Variants in MELK observed in about 807,000 individuals in gnomAD.
The protein encoded by MELK is pEg3 kinase.
A neutral mutation model predicts 85.0 loss-of-function variants in MELK; 81 were observed. That is an observed-to-expected ratio of 0.95 (90% CI 0.80 to 1.15). The LOEUF is 1.15. Ranked by LOEUF, MELK falls within the 50% of genes most tolerant of loss-of-function variation. The pLI is 0.00. For synonymous variants in MELK, 252 were observed against 265.0 expected (o/e 0.95, Z 0.48); for missense variants, 754 against 777.5 (o/e 0.97, Z 0.36).
chr9:36,671,089 G>A lies in MELK; in HGVS notation c.1597G>A (p.Gly533Arg), dbSNP rs765492864. The A allele has an allele frequency of 1.1e-5, 17 of 1,613,282 alleles. No individual in the cohort carries two copies. The East Asian group carries it at 3.8e-4, about 36-fold the overall frequency. Residue 533 changes from glycine (G) to arginine (R), a missense_variant, in exon 16 of 18, where the codon GGG becomes AGG. Coordinates refer to ENST00000298048, the MANE Select transcript of MELK (RefSeq NM_014791.4). ...CAAAGTGTTTGGGAGCCTTGAAAGG[G>A]GGTTGGATAAGGTTATCACTGTGCT... The part of the protein sequence containing the change: ...GAKVFGSLER[G>R]LDKVITVLTR...
intron 13 of MELK, among the ~76,000 whole-genome samples, chr9:36,663,438 G>T (rs1454976995): frequency 6.6e-6 from 1 of 152,086 alleles, no homozygotes; most frequent in Non-Finnish European, 1.5e-5. Flanking sequence ...AATTTTCTTA[G>T]ATGCATAGTG....
chr9:36,583,784 A>C (rs935978058), intron 3 of MELK, 72 bp downstream of exon 3: 6 of 1,054,684 alleles, frequency 5.7e-6, no homozygotes, highest in Non-Finnish European at 7.1e-6. Flanking sequence ...GAATTGTTCT[A>C]ATGTTCTAGT....
At chr9:36,661,633 C>G (rs935331865) in intron 13 of MELK, among the ~76,000 whole-genome samples, 3 of 152,028 alleles carry the variant, frequency 2.0e-5, no homozygotes, top group Non-Finnish European at 4.4e-5. Flanking sequence ...TTAGGTATGT[C>G]TCTTTAAAAA....
intron 7 of MELK, among the ~76,000 whole-genome samples, chr9:36,601,279 TTTAG>T (rs549310385): frequency 1.3e-5 from 2 of 152,176 alleles, no homozygotes; most frequent in Non-Finnish European, 2.9e-5. Context: ...AGTTATTGCA[TTTAG>T]TTATTGTGTC....
intron 5 of MELK, among the ~76,000 whole-genome samples, chr9:36,596,458 C>A (rs189080703): frequency 6.6e-6 from 1 of 151,796 alleles, no homozygotes. Context: ...GGGGTTTCAC[C>A]GTGTTAGCCA....
At chr9:36,636,554 C>T (rs1007736046) in intron 10 of MELK, among the ~76,000 whole-genome samples, 4 of 151,928 alleles carry the variant, frequency 2.6e-5, no homozygotes, top group Non-Finnish European at 4.4e-5. Context: ...TTCTGTGGAC[C>T]AGATATTTGG....
At chr9:36,586,603 A>C (rs1822927039) in intron 3 of MELK, among the ~76,000 whole-genome samples, 1 of 152,214 alleles carries the variant, frequency 6.6e-6, no homozygotes, top group Non-Finnish European at 1.5e-5. Flanking sequence ...AGTATCAATT[A>C]GATTAATTCC....
chr9:36,577,240 C>T (rs924794917), intron 1 of MELK, among the ~76,000 whole-genome samples: 1 of 152,066 alleles, frequency 6.6e-6, no homozygotes, highest in Non-Finnish European at 1.5e-5. Context: ...TTGGCCAGGG[C>T]GATGGCTCAC....
intron 3 of MELK, among the ~76,000 whole-genome samples, chr9:36,585,312 T>C (rs1021767973): frequency 9.2e-5 from 13 of 141,530 alleles, no homozygotes; most frequent in Non-Finnish European, 2.0e-4. Context: ...GTTTTTTTTT[T>C]TTTTTTTTTT....
chr9:36,606,775 A>C (rs1332445673), intron 7 of MELK: 1 of 148,110 alleles, frequency 6.8e-6, no homozygotes. Flanking sequence ...AATCTATATA[A>C]TATATATAAA....
intron 14 of MELK, among the ~76,000 whole-genome samples, chr9:36,668,500 A>T (rs1219507279): frequency 6.6e-6 from 1 of 152,130 alleles, no homozygotes; most frequent in African/African-American, 2.4e-5. Context: ...AATATAAAAA[A>T]TAATCAAAGC....
intron 8 of MELK, among the ~76,000 whole-genome samples, chr9:36,609,147 G>GT (rs1334126772): frequency 6.6e-6 from 1 of 152,230 alleles, no homozygotes; most frequent in South Asian, 2.1e-4. Flanking sequence ...GTGACTGCCT[G>GT]TGAGTATGGG....
chr9:36,650,415 T>A (rs574914043), intron 11 of MELK, among the ~76,000 whole-genome samples: 75 of 152,176 alleles, frequency 4.9e-4, no homozygotes, highest in African/African-American at 1.6e-3. Context: ...ATAATAAGAT[T>A]CAGGAAGTTT....
chr9:36,677,454 C>T lies in MELK; in HGVS notation c.*117C>T, dbSNP rs1833445831. On this transcript the variant is annotated 3_prime_UTR_variant, in exon 18 of 18. Coordinates refer to ENST00000298048, the MANE Select transcript of MELK (RefSeq NM_014791.4). ...GAACTACCAACTTGTTTCTAAAGAGCTATCTTAAGACCAATATCTCTTTGT... is the reference window on the plus strand; with the variant it reads ...GAACTACCAACTTGTTTCTAAAGAGTTATCTTAAGACCAATATCTCTTTGT... The T allele has an allele frequency of 4.5e-6, 4 of 896,006 alleles. No individual in the cohort carries two copies. Among genetic ancestry groups the T allele is most frequent in the Non-Finnish European group, 6.4e-6 (4 of 626,782 alleles). 55.5% of individuals were successfully genotyped at this position (896,006 alleles called of 1,614,324 possible). A position where few individuals can be genotyped will look rare whatever the true frequency, so the allele number is the denominator to read the frequency against.
At chr9:36,595,135 C>G (rs1215029141) in intron 5 of MELK, among the ~76,000 whole-genome samples, 1 of 150,434 alleles carries the variant, frequency 6.6e-6, no homozygotes, top group Non-Finnish European at 1.5e-5. Flanking sequence ...CCATGTTGGT[C>G]AGTCTGGTCA....
At chr9:36,665,300 AT>A (rs780119307) in intron 13 of MELK, 49 bp from the exon 14 acceptor site, 12 of 1,154,798 alleles carry the variant, frequency 1.0e-5, no homozygotes, top group Non-Finnish European at 1.5e-5. Flanking sequence ...TTGTAAAGAA[AT>A]TGACTTTTCT....
chr9:36,583,824 T>C, intron 3 of MELK, 112 bp downstream of exon 3: 1 of 725,864 alleles, frequency 1.4e-6, no homozygotes, highest in Non-Finnish European at 2.2e-6. Context: ...TTTTTATACC[T>C]TTTAAAAAAC....
chr9:36,631,003 G>A (rs1444352248), intron 9 of MELK, among the ~76,000 whole-genome samples: 1 of 117,504 alleles, frequency 8.5e-6, no homozygotes, highest in Non-Finnish European at 1.8e-5. Flanking sequence ...TCCCTCTGTT[G>A]CCCAGGCTGG....
intron 9 of MELK, among the ~76,000 whole-genome samples, chr9:36,630,854 A>G (rs1185970700): frequency 6.6e-6 from 1 of 151,674 alleles, no homozygotes; most frequent in Non-Finnish European, 1.5e-5. Context: ...GAGTTTTCCC[A>G]TGTTGGCCAG....
Sources: allele counts gnomAD v4.1 joint callset (sites outside exome capture counted in the v4.1 genomes callset), GRCh38; gene constraint gnomAD v4.1.1; transcripts MANE v1.5; gene names NCBI Gene and HGNC (gene_info 2026-07-23, HGNC 2026-07-21).